Variants in IGSF11 observed in about 807,000 individuals in gnomAD.
IGSF11 encodes the protein immunoglobulin superfamily member 11.
IGSF11 carries 22 observed loss-of-function variants against 41.0 expected under a neutral mutation model. The ratio of observed to expected loss-of-function variants is 0.54; its 90% CI spans 0.38 to 0.77. The LOEUF (loss-of-function observed/expected upper bound fraction) is 0.77, where lower values mean the gene tolerates loss of function less well. IGSF11 is among the 30% of genes least tolerant of loss of function. The pLI, the probability that IGSF11 is intolerant of heterozygous loss-of-function variation, is 0.00. For missense variants in IGSF11, 444 were observed against 530.8 expected, an observed-to-expected ratio of 0.84 and a Z score of 1.61; for synonymous variants, 219 against 201.3, an observed-to-expected ratio of 1.09 and a Z score of -0.74.
chr3:119,083,117 T>A (rs899425979), intron 1 of IGSF11, among the ~76,000 whole-genome samples: 6 of 119,366 alleles, frequency 5.0e-5, no homozygotes, highest in Non-Finnish European at 9.9e-5. Context: ...CTTTTTCTTT[T>A]TCTTTTTTCT....
At chr3:119,065,255 C>G (rs1164164399) in intron 1 of IGSF11, among the ~76,000 whole-genome samples, 7 of 152,170 alleles carry the variant, frequency 4.6e-5, no homozygotes, top group Admixed American at 4.6e-4. Context: ...TCTGTATCTG[C>G]TGCAATGATA....
At chr3:118,995,795 G>C (rs1936210170) in intron 1 of IGSF11, among the ~76,000 whole-genome samples, 1 of 152,114 alleles carries the variant, frequency 6.6e-6, no homozygotes, top group African/African-American at 2.4e-5. Context: ...TGGGACTACA[G>C]GTGCCCGCCA....
chr3:119,011,638 A>G (rs998474507), intron 1 of IGSF11, among the ~76,000 whole-genome samples: 1 of 152,182 alleles, frequency 6.6e-6, no homozygotes, highest in Non-Finnish European at 1.5e-5. Flanking sequence ...GAAATACTAT[A>G]TAAGTATCTG....
intron 1 of IGSF11, among the ~76,000 whole-genome samples, chr3:119,092,663 T>C (rs535905146): frequency 2.0e-5 from 3 of 152,322 alleles, no homozygotes; most frequent in Admixed American, 6.5e-5. Flanking sequence ...CAGTAGTGTA[T>C]AGTAATGTCC....
In IGSF11 at chr3:119,113,884, G is replaced by C. The variant is rs562480349; in HGVS notation, c.-13-8679C>G. Among the ~76,000 whole-genome samples, 48 of 152,358 alleles carry C rather than the reference G, an allele frequency of 3.2e-4. 2 individuals carry two copies. In the South Asian group the frequency reaches 6.6e-3, roughly 21 times the overall value. On this transcript the variant is annotated intron_variant, in intron 1 of 7. Transcript: ENST00000425327. ...ATACGTCCTCTGAAATCTAAGCGGA[G>C]GTTCCCAAGCCTCAACTCTTAGCCT...
At chr3:118,971,675 G>T (rs955350456) in intron 1 of IGSF11, among the ~76,000 whole-genome samples, 1 of 151,856 alleles carries the variant, frequency 6.6e-6, no homozygotes, top group Non-Finnish European at 1.5e-5. Flanking sequence ...GTGGTGGCAG[G>T]CACCTGTAAT....
At chr3:119,023,668 C>T (rs1258844622) in intron 1 of IGSF11, among the ~76,000 whole-genome samples, 1 of 152,114 alleles carries the variant, frequency 6.6e-6, no homozygotes, top group Non-Finnish European at 1.5e-5. Context: ...TTAACCTAAA[C>T]ATGAACATGA....
chr3:119,080,859 T>G (rs2076575017), intron 1 of IGSF11, among the ~76,000 whole-genome samples: 1 of 152,154 alleles, frequency 6.6e-6, no homozygotes, highest in Admixed American at 6.6e-5. Context: ...ACAGTTGCTT[T>G]TTATCCCAGT....
At chr3:119,034,483 G>A (rs952504937) in intron 1 of IGSF11, 48 bp downstream of exon 1, 5 of 1,460,430 alleles carry the variant, frequency 3.4e-6, no homozygotes, top group Non-Finnish European at 2.7e-6. Context: ...CCCCGGGCCC[G>A]CCGACCCGGC....
At chr3:119,133,282 G>A (rs559054023) in intron 1 of IGSF11, among the ~76,000 whole-genome samples, 26 of 152,198 alleles carry the variant, frequency 1.7e-4, no homozygotes, top group Admixed American at 5.9e-4. Flanking sequence ...TCCAGGAGCT[G>A]GTTTTTTGAA....
intron 1 of IGSF11, among the ~76,000 whole-genome samples, chr3:119,086,073 G>A (rs2076667290): frequency 6.6e-6 from 1 of 152,208 alleles, no homozygotes; most frequent in South Asian, 2.1e-4. Context: ...TATGGCATAT[G>A]CACTATGGAG....
chr3:118,922,018 T>C (rs892637530), intron 4 of IGSF11, among the ~76,000 whole-genome samples: 2 of 151,230 alleles, frequency 1.3e-5, no homozygotes, highest in Non-Finnish European at 2.9e-5. Flanking sequence ...ACCAGGACAA[T>C]AGAAGACAGA....
At chr3:119,025,522 T>G (rs1939736517) in intron 1 of IGSF11, among the ~76,000 whole-genome samples, 1 of 152,146 alleles carries the variant, frequency 6.6e-6, no homozygotes. Flanking sequence ...AATTTAGTAC[T>G]TCTCAACACA....
At chr3:119,107,085 T>C (rs574008983), upstream of IGSF11, among the ~76,000 whole-genome samples, 4 of 152,222 alleles carry the variant, frequency 2.6e-5, no homozygotes, top group Non-Finnish European at 5.9e-5. Context: ...TGATTTATAG[T>C]CCTTTGGGTA....
At chr3:119,125,330 G>C (rs1215696201) in intron 1 of IGSF11, among the ~76,000 whole-genome samples, 1 of 152,194 alleles carries the variant, frequency 6.6e-6, no homozygotes, top group East Asian at 1.9e-4. Context: ...AAACAAGGCT[G>C]TTTATTCACT....
intron 1 of IGSF11, among the ~76,000 whole-genome samples, chr3:118,984,312 A>G (rs1935044490): frequency 6.6e-6 from 1 of 152,208 alleles, no homozygotes; most frequent in Non-Finnish European, 1.5e-5. Context: ...TTAATGTATC[A>G]TGATATCTCC....
intron 1 of IGSF11, among the ~76,000 whole-genome samples, chr3:119,040,125 C>A (rs1941065182): frequency 6.6e-6 from 1 of 152,198 alleles, no homozygotes. Context: ...TCTGACCCTC[C>A]CTAAACTGCT....
At chr3:119,081,763 T>C (rs914127082) in intron 1 of IGSF11, among the ~76,000 whole-genome samples, 5 of 152,204 alleles carry the variant, frequency 3.3e-5, no homozygotes, top group African/African-American at 1.2e-4. Context: ...GAATGGTAGG[T>C]AGGAAGATTT....
intron 1 of IGSF11, among the ~76,000 whole-genome samples, chr3:118,994,447 A>C (rs1936079462): frequency 6.6e-6 from 1 of 152,166 alleles, no homozygotes; most frequent in African/African-American, 2.4e-5. Context: ...CCTTGAGCCC[A>C]GGAGTTTGAG....
Sources: allele counts gnomAD v4.1 joint callset (sites outside exome capture counted in the v4.1 genomes callset), GRCh38; gene constraint gnomAD v4.1.1; transcripts MANE v1.5; gene names NCBI Gene and HGNC (gene_info 2026-07-23, HGNC 2026-07-21).